Variants in PELI2 observed in about 807,000 individuals in gnomAD.
PELI2 encodes the protein E3 ubiquitin-protein ligase pellino homolog 2.
Under a neutral mutation model 42.3 loss-of-function variants are expected in PELI2, and 23 were observed. The ratio of observed to expected loss-of-function variants is 0.54; its 90% CI spans 0.39 to 0.77. The LOEUF is 0.77. Among genes scored for constraint, PELI2 ranks in the 30% least tolerant of loss-of-function variants. The pLI is 0.00. For missense variants in PELI2, 463 were observed against 553.2 expected, an observed-to-expected ratio of 0.84 and a Z score of 1.64; for synonymous variants, 245 against 212.2, an observed-to-expected ratio of 1.15 and a Z score of -1.34.
At chr14:56,124,850 AAC>A (rs1187295908) in intron 1 of PELI2, among the ~76,000 whole-genome samples, 1 of 152,302 alleles carries the variant, frequency 6.6e-6, no homozygotes, top group East Asian at 1.9e-4. Context: ...TACTTTGAGG[AAC>A]AGAGAAACAC....
intron 2 of PELI2, among the ~76,000 whole-genome samples, chr14:56,263,022 T>C (rs1320152422): frequency 6.6e-6 from 1 of 152,180 alleles, no homozygotes; most frequent in Non-Finnish European, 1.5e-5. Flanking sequence ...AGTGGCGTGA[T>C]CTTGGCTCAC....
intron 2 of PELI2, among the ~76,000 whole-genome samples, chr14:56,231,522 G>A (rs555449194): frequency 1.3e-5 from 2 of 152,240 alleles, no homozygotes; most frequent in East Asian, 1.9e-4. Context: ...GGTACATAAC[G>A]AAATGAAGGC....
At chr14:56,260,687 C>T (rs1035305553) in intron 2 of PELI2, among the ~76,000 whole-genome samples, 1 of 152,258 alleles carries the variant, frequency 6.6e-6, no homozygotes, top group African/African-American at 2.4e-5. Flanking sequence ...GTAAATTTGA[C>T]GATTTGGTAA....
chr14:56,272,084 C>T (rs928579901), intron 2 of PELI2, among the ~76,000 whole-genome samples: 4 of 152,050 alleles, frequency 2.6e-5, no homozygotes, highest in Admixed American at 1.3e-4. Flanking sequence ...GCAGAAACAA[C>T]CCTAATTATA....
intron 2 of PELI2, among the ~76,000 whole-genome samples, chr14:56,262,483 T>G (rs1594695022): frequency 6.6e-6 from 1 of 152,226 alleles, no homozygotes; most frequent in Non-Finnish European, 1.5e-5. Flanking sequence ...CTTGAGATGT[T>G]TCTCACAACC....
chr14:56,194,703 C>T (rs1886070076), intron 2 of PELI2, among the ~76,000 whole-genome samples: 1 of 152,194 alleles, frequency 6.6e-6, no homozygotes, highest in Non-Finnish European at 1.5e-5. Flanking sequence ...TCCATGGTAA[C>T]TGGATAAGGC....
intron 5 of PELI2, among the ~76,000 whole-genome samples, chr14:56,292,372 T>C (rs1889858031): frequency 6.6e-6 from 1 of 152,210 alleles, no homozygotes; most frequent in African/African-American, 2.4e-5. Flanking sequence ...GAACAGTTTT[T>C]GTCTGTCTTC....
chr14:56,166,036 G>A (rs1884948490), intron 1 of PELI2, among the ~76,000 whole-genome samples: 1 of 152,056 alleles, frequency 6.6e-6, no homozygotes, highest in Admixed American at 6.5e-5. Flanking sequence ...TTTTGTGGTT[G>A]TTACATGGTC....
At chr14:56,195,973 C>A (rs1256625691) in intron 2 of PELI2, among the ~76,000 whole-genome samples, 1 of 152,162 alleles carries the variant, frequency 6.6e-6, no homozygotes, top group Non-Finnish European at 1.5e-5. Flanking sequence ...TATTTAACTG[C>A]AAAATGTCAG....
At chr14:56,259,554 T>C (rs1319276214) in intron 2 of PELI2, among the ~76,000 whole-genome samples, 1 of 152,094 alleles carries the variant, frequency 6.6e-6, no homozygotes, top group African/African-American at 2.4e-5. Context: ...TATGATCGTC[T>C]CCATATGCAT....
chr14:56,280,297 T>A (rs242594), intron 3 of PELI2, among the ~76,000 whole-genome samples: 140,553 of 152,116 alleles, frequency 0.92, 65,290 homozygotes, highest in African/African-American at 0.98. Flanking sequence ...TTTGACAAAG[T>A]ACAGCAATTA....
Position 56,273,206 on chromosome 14 carries a change from A to T in PELI2, c.208-6470A>T, listed in dbSNP as rs969112029. Among the ~76,000 whole-genome samples the T allele has an allele frequency of 6.6e-6, 1 of 152,128 alleles. No homozygotes were observed. Among genetic ancestry groups the T allele is most frequent in the Non-Finnish European group, 1.5e-5 (1 of 68,010 alleles). On this transcript the variant is annotated intron_variant, in intron 2 of 5. Transcript: ENST00000267460. The surrounding 1 kb of genome is among the most constrained non-coding windows in gnomAD (Gnocchi z 4.3). ...GGTGCTCCCAGGCCTCCCTATCCCC[A>T]TGTGGCATTTCATTCTCCAGGCCCT... is the stretch of plus-strand genomic sequence containing the variant.
intron 2 of PELI2, among the ~76,000 whole-genome samples, chr14:56,257,500 C>T (rs1237602404): frequency 1.3e-5 from 2 of 151,948 alleles, no homozygotes; most frequent in East Asian, 1.9e-4. Context: ...TTCAGGTGTA[C>T]TGGACTTTCT....
At chr14:56,277,616 CA>C (rs1202723715) in intron 2 of PELI2, among the ~76,000 whole-genome samples, 1 of 152,066 alleles carries the variant, frequency 6.6e-6, no homozygotes. Flanking sequence ...TTGTCTTCCA[CA>C]AAACCAGTTC....
At chr14:56,119,132 C>G (rs1882966598) in intron 1 of PELI2, 1 of 151,664 alleles carries the variant, frequency 6.6e-6, no homozygotes, top group Admixed American at 6.6e-5. Context: ...CGGTCGCGGG[C>G]GCTTCGCGGG....
chr14:56,235,559 G>A (rs975643469), intron 2 of PELI2, among the ~76,000 whole-genome samples: 5 of 152,224 alleles, frequency 3.3e-5, no homozygotes, highest in Non-Finnish European at 5.9e-5. Context: ...GTCTCAGACT[G>A]CCAGTGCTGC....
intron 2 of PELI2, among the ~76,000 whole-genome samples, chr14:56,274,416 A>G (rs945808199): frequency 6.6e-6 from 1 of 152,246 alleles, no homozygotes; most frequent in Non-Finnish European, 1.5e-5. Flanking sequence ...CTTAACAAAT[A>G]AAAGATTTAA....
At chr14:56,135,204 G>A (rs10134667) in intron 1 of PELI2, among the ~76,000 whole-genome samples, 5 of 152,174 alleles carry the variant, frequency 3.3e-5, no homozygotes, top group South Asian at 2.1e-4. Flanking sequence ...TGAGGGCCCC[G>A]TGAGTAGAAG....
At chr14:56,161,367 C>A (rs1462192093) in intron 1 of PELI2, among the ~76,000 whole-genome samples, 2 of 150,836 alleles carry the variant, frequency 1.3e-5, no homozygotes, top group Admixed American at 6.6e-5. Context: ...AGTGCAGTGG[C>A]GTGATCTCAG....
Sources: allele counts gnomAD v4.1 joint callset (sites outside exome capture counted in the v4.1 genomes callset), GRCh38; gene constraint gnomAD v4.1.1; non-coding constraint Gnocchi (gnomAD v3.1); transcripts MANE v1.5; gene names NCBI Gene and HGNC (gene_info 2026-07-23, HGNC 2026-07-21).